Variants in ERG observed in about 807,000 individuals in gnomAD.
ERG encodes ETS transcription factor ERG.
Under a neutral mutation model 55.3 loss-of-function variants are expected in ERG, and 9 were observed. The ratio of observed to expected loss-of-function variants is 0.16; its 90% confidence interval spans 0.10 to 0.28. The LOEUF is 0.28. Ranked by LOEUF, ERG falls within the 10% of genes least tolerant of loss-of-function variation. The pLI is 1.00. For synonymous variants in ERG, 223 were observed against 237.3 expected, an observed-to-expected ratio of 0.94 and a Z score of 0.55; for missense variants, 434 against 631.6, an observed-to-expected ratio of 0.69 and a Z score of 3.35.
chr21:38,517,650 T>G (rs1396038708), intron 2 of ERG, among the ~76,000 whole-genome samples: 1 of 152,152 alleles, frequency 6.6e-6, no homozygotes, highest in Non-Finnish European at 1.5e-5. Flanking sequence ...AAAAGATACT[T>G]GCACCCACAT....
At chr21:38,618,088 G>A (rs970825813) in intron 1 of ERG, among the ~76,000 whole-genome samples, 2 of 152,146 alleles carry the variant, frequency 1.3e-5, no homozygotes, top group Admixed American at 6.6e-5. Flanking sequence ...AATGGGGAGA[G>A]CAGAGCCTTC....
chr21:38,553,754 T>C (rs1385616978), intron 2 of ERG, among the ~76,000 whole-genome samples: 1 of 152,136 alleles, frequency 6.6e-6, no homozygotes, highest in East Asian at 1.9e-4. Context: ...GAACATACCA[T>C]TCTGGACATA....
At chr21:38,635,099 G>C in intron 1 of ERG, among the ~76,000 whole-genome samples, 1 of 152,172 alleles carries the variant, frequency 6.6e-6, no homozygotes, top group East Asian at 1.9e-4. Flanking sequence ...TAGAAAAGGA[G>C]ACAGTAAAAA....
chr21:38,503,993 A>C (rs1473954540), intron 2 of ERG, among the ~76,000 whole-genome samples: 1 of 152,036 alleles, frequency 6.6e-6, no homozygotes, highest in Non-Finnish European at 1.5e-5. Context: ...CAACTATGTG[A>C]GTATGTGTGT....
chr21:38,454,219 C>T (rs2058967380), intron 1 of ERG, among the ~76,000 whole-genome samples: 1 of 152,122 alleles, frequency 6.6e-6, no homozygotes, highest in East Asian at 1.9e-4. Context: ...TTTAATCACT[C>T]AGTGGAGGAT....
chr21:38,429,245 G>GGT (rs918674196), intron 2 of ERG, among the ~76,000 whole-genome samples: 10 of 150,150 alleles, frequency 6.7e-5, no homozygotes, highest in Non-Finnish European at 1.3e-4. Context: ...AGTATTCCAT[G>GGT]GTGTGTGTGT....
intron 2 of ERG, among the ~76,000 whole-genome samples, chr21:38,538,420 C>G (rs768875826): frequency 1.3e-5 from 2 of 151,956 alleles, no homozygotes; most frequent in Non-Finnish European, 2.9e-5. Flanking sequence ...AGTTGGTTCT[C>G]CCTCCTTCTT....
At chr21:38,440,645 G>T (rs1342817672) in intron 2 of ERG, among the ~76,000 whole-genome samples, 2 of 151,918 alleles carry the variant, frequency 1.3e-5, no homozygotes, top group Non-Finnish European at 2.9e-5. Flanking sequence ...ACATGGTGAA[G>T]CCCCATCTCC....
chr21:38,444,851 G>A (rs970184792), intron 2 of ERG, among the ~76,000 whole-genome samples: 26 of 151,988 alleles, frequency 1.7e-4, no homozygotes, highest in African/African-American at 5.3e-4. Flanking sequence ...GACATACGCC[G>A]CACTGCCTGG....
chr21:38,560,554 C>T (rs1260260146), intron 2 of ERG, among the ~76,000 whole-genome samples: 21 of 152,138 alleles, frequency 1.4e-4, no homozygotes, highest in African/African-American at 4.8e-4. Flanking sequence ...TTGCTTCATC[C>T]TCATTTTATC....
chr21:38,607,474 T>C (rs142021414), intron 1 of ERG, among the ~76,000 whole-genome samples: 1,569 of 151,868 alleles, frequency 0.01, 32 homozygotes, highest in African/African-American at 0.035. Flanking sequence ...CTACTAAAAA[T>C]ACAAAAAATT....
chr21:38,375,933 C>G (rs184840482), downstream of ERG, among the ~76,000 whole-genome samples: 3 of 152,182 alleles, frequency 2.0e-5, no homozygotes, highest in South Asian at 6.2e-4. Context: ...CTGTCTTACC[C>G]CTTCTATCTA....
At chr21:38,452,735 T>C (rs2058953445) in intron 1 of ERG, among the ~76,000 whole-genome samples, 1 of 152,186 alleles carries the variant, frequency 6.6e-6, no homozygotes, top group Non-Finnish European at 1.5e-5. Flanking sequence ...TAGCTGGGGA[T>C]CCATCCCCTC....
chr21:38,412,630 A>G (rs1482185598), intron 3 of ERG, among the ~76,000 whole-genome samples: 1 of 152,114 alleles, frequency 6.6e-6, no homozygotes, highest in Non-Finnish European at 1.5e-5. Flanking sequence ...ATCTTTTGTT[A>G]TTATCTGAAG....
chr21:38,620,157 C>A (rs560232649), intron 1 of ERG, among the ~76,000 whole-genome samples: 5 of 152,340 alleles, frequency 3.3e-5, no homozygotes, highest in Middle Eastern at 3.4e-3. Flanking sequence ...TATTGCATTT[C>A]TTCAGCATAA....
chr21:38,448,021 AGATAAAGTAAGC>A (rs2058908062), intron 1 of ERG, among the ~76,000 whole-genome samples: 1 of 152,224 alleles, frequency 6.6e-6, no homozygotes, highest in South Asian at 2.1e-4. Flanking sequence ...TATTTCTCCA[AGATAAAGTAAGC>A]TTACTTCTGC....
At chr21:38,534,973 T>C (rs1468680027) in intron 2 of ERG, among the ~76,000 whole-genome samples, 1 of 152,188 alleles carries the variant, frequency 6.6e-6, no homozygotes, top group Non-Finnish European at 1.5e-5. Context: ...TATTTTAAAG[T>C]TCCGAGGGAC....
At chr21:38,518,238 A>C (rs1188199921) in intron 2 of ERG, among the ~76,000 whole-genome samples, 2 of 7,678 alleles carry the variant, frequency 2.6e-4, no homozygotes, top group African/African-American at 1.3e-3. Context: ...GTGTGTGTGT[A>C]TCTATCTATC....
intron 1 of ERG, among the ~76,000 whole-genome samples, chr21:38,634,840 A>C (rs1018944720): frequency 6.6e-6 from 1 of 152,238 alleles, no homozygotes; most frequent in African/African-American, 2.4e-5. Context: ...CCTTGCCTAC[A>C]GGGTTTCACT....
Sources: allele counts gnomAD v4.1 joint callset (sites outside exome capture counted in the v4.1 genomes callset), GRCh38; gene constraint gnomAD v4.1.1; transcripts MANE v1.5; gene names NCBI Gene and HGNC (gene_info 2026-07-23, HGNC 2026-07-21).